PKD2L1: variants seen among roughly 807,000 people sequenced by gnomAD.
PKD2L1 encodes polycystin-2-like protein 1.
A neutral mutation model predicts 93.0 loss-of-function variants in PKD2L1; 77 were observed. That is an observed-to-expected ratio of 0.83 (90% CI 0.69 to 1.00). The LOEUF (loss-of-function observed/expected upper bound fraction) is 1.00, where lower values mean the gene tolerates loss of function less well. Ranked by LOEUF, PKD2L1 falls within the 50% of genes least tolerant of loss-of-function variation. The pLI, the probability that PKD2L1 is intolerant of heterozygous loss-of-function variation, is 0.00. For missense variants in PKD2L1, 977 were observed against 990.9 expected (o/e 0.99, Z 0.19); for synonymous variants, 390 against 388.0 (o/e 1.01, Z -0.06).
chr10:100,304,730 C>T (rs921308352), intron 2 of PKD2L1, among the ~76,000 whole-genome samples: 4 of 152,150 alleles, frequency 2.6e-5, no homozygotes, highest in African/African-American at 7.2e-5. Context: ...AGCTGACCTC[C>T]GCTGTTAGCC....
chr10:100,288,784 C>G (rs932354021), intron 15 of PKD2L1, among the ~76,000 whole-genome samples, 188 bp downstream of exon 15: 4 of 152,172 alleles, frequency 2.6e-5, no homozygotes, highest in African/African-American at 9.7e-5. Context: ...AACACTGATT[C>G]ACAAGCCTAA....
intron 9 of PKD2L1, among the ~76,000 whole-genome samples, chr10:100,293,966 G>A (rs931914461): frequency 1.3e-5 from 2 of 152,122 alleles, no homozygotes; most frequent in Non-Finnish European, 2.9e-5. Flanking sequence ...AATTAGCGGG[G>A]TGTGGTGGCT....
chr10:100,318,033 T>C (rs547498394), intron 2 of PKD2L1, among the ~76,000 whole-genome samples: 1 of 151,966 alleles, frequency 6.6e-6, no homozygotes, highest in African/African-American at 2.4e-5. Context: ...TGAGCCAAGA[T>C]TGCACCACTG....
chr10:100,325,982 G>A (rs1295825727), intron 2 of PKD2L1, among the ~76,000 whole-genome samples: 1 of 152,184 alleles, frequency 6.6e-6, no homozygotes, highest in East Asian at 1.9e-4. Flanking sequence ...GTCGACTTCA[G>A]AGCCTCACTG....
chr10:100,300,357 G>A (rs114543621), intron 2 of PKD2L1, among the ~76,000 whole-genome samples: 188 of 151,728 alleles, frequency 1.2e-3, no homozygotes, highest in African/African-American at 3.8e-3. Context: ...CAATCACCCT[G>A]TGATTCTCCC....
chr10:100,296,979 C>A lies in PKD2L1; in HGVS notation c.1185+1G>T. ...CCAAGTCCTAGATATCTGTCCCTCA[C>A]CAAGATGACCACCAGGTCCAGTATG... On this transcript the variant is annotated splice_donor_variant, in intron 6 of 15. Transcript: ENST00000318222. LOFTEE classifies it high-confidence loss of function. The A allele has an allele frequency of 6.2e-7, 1 of 1,605,136 alleles. No homozygotes were observed. The highest frequency in any genetic ancestry group is 1.1e-5 in the South Asian group (1 of 90,888).
intron 2 of PKD2L1, among the ~76,000 whole-genome samples, chr10:100,313,692 A>G (rs909022811): frequency 2.0e-5 from 3 of 152,166 alleles, no homozygotes; most frequent in Non-Finnish European, 4.4e-5. Flanking sequence ...AACAGTTTTC[A>G]TTTATTTGAG....
Position 100,288,472 on chromosome 10 carries a change from G to C in PKD2L1, c.2342C>G (p.Pro781Arg). The change falls in exon 16 of 16, where the codon CCC becomes CGC. Residue 781 changes from proline to arginine, a missense_variant. By Grantham distance (103) the Pro-to-Arg change is moderately radical. Transcript: ENST00000318222. ...TAAGGCTTCCTCTTCTCTTTTATAG[G>C]GAACCTCTGTGGGGGAAAACGAGAA... ...GVQGGQESEVPYKREEEALEE... is the reference protein window; with the variant it reads ...GVQGGQESEVRYKREEEALEE... 2.5e-6 allele frequency: 4 copies of C among 1,605,466 alleles called. No individual in the cohort carries two copies. The highest frequency in any genetic ancestry group is 3.4e-6 in the Non-Finnish European group (4 of 1,172,214).
chr10:100,329,085 G>T (rs951888968), intron 2 of PKD2L1, 126 bp downstream of exon 2: 2 of 784,822 alleles, frequency 2.5e-6, no homozygotes, highest in Non-Finnish European at 4.0e-6. Flanking sequence ...TAAAGTTCCC[G>T]GATATAGCCT....
At chr10:100,327,690 G>A (rs190522847) in intron 2 of PKD2L1, among the ~76,000 whole-genome samples, 4 of 152,296 alleles carry the variant, frequency 2.6e-5, no homozygotes, top group African/African-American at 7.2e-5. Flanking sequence ...AAAAATAATC[G>A]ATACGTCAAC....
At position 100,288,177 on chromosome 10, in the gene PKD2L1, C is replaced by T; in HGVS notation, c.*219G>A. ...TCCTAAGGAGTTTTATTGATAGCCA[C>T]CATGGAAACCCACATGGTCTTATGG... On this transcript the variant is annotated 3_prime_UTR_variant, in exon 16 of 16. Transcript: ENST00000318222. 1 of 492,776 alleles carries T rather than the reference C, an allele frequency of 2.0e-6. No individual in the cohort carries two copies. Among genetic ancestry groups the T allele is most frequent in the South Asian group, 3.2e-5 (1 of 30,868 alleles). The allele number at this position is 492,776 out of a possible 1,614,324, so 30.5% of individuals were successfully genotyped here. A position where few individuals can be genotyped will look rare whatever the true frequency, so the allele number is the denominator to read the frequency against.
chr10:100,325,233 T>G (rs903347395), intron 2 of PKD2L1, among the ~76,000 whole-genome samples: 3 of 152,214 alleles, frequency 2.0e-5, no homozygotes, highest in African/African-American at 7.2e-5. Flanking sequence ...TTTTTGCCCT[T>G]GGAGAAACTA....
intron 2 of PKD2L1, among the ~76,000 whole-genome samples, chr10:100,302,249 ACACG>A (rs1841344354): frequency 3.3e-5 from 2 of 60,946 alleles, no homozygotes; most frequent in Non-Finnish European, 7.1e-5. Flanking sequence ...ACACACACAC[ACACG>A]CATACACACA....
In PKD2L1 at chr10:100,294,552, C is replaced by T. The variant is rs202152796; in HGVS notation, c.1642G>A (p.Val548Ile). The change falls in exon 9 of 16, where the codon GTC becomes ATC. Residue 548 changes from valine (V) to isoleucine (I), a missense_variant. Physicochemically the swap from Val to Ile is conservative, Grantham distance 29. Coordinates refer to ENST00000318222, the MANE Select transcript of PKD2L1 (RefSeq NM_016112.3). ...PAYFVTYVFFVFFVLLNMFLA... is the reference protein window; with the variant it reads ...PAYFVTYVFFIFFVLLNMFLA... ...ACCCTCACCAGGAGCACGAAGAAGA[C>T]GAAGAAGACATAGGTGACAAAGTAG... is the stretch of plus-strand genomic sequence containing the variant. The T allele has an allele frequency of 3.0e-4, 487 of 1,613,938 alleles. 4 individuals carry two copies. In the East Asian group the frequency reaches 9.9e-3, roughly 33 times the overall value.
intron 9 of PKD2L1, among the ~76,000 whole-genome samples, 177 bp from the exon 10 acceptor site, chr10:100,293,556 A>G (rs1589660724): frequency 6.6e-6 from 1 of 152,146 alleles, no homozygotes; most frequent in East Asian, 1.9e-4. Context: ...CTTTCAGCAC[A>G]GTTCTGTTAG....
chr10:100,300,393 A>AT (rs1564884923), intron 2 of PKD2L1, among the ~76,000 whole-genome samples: 1 of 98,258 alleles, frequency 1.0e-5, no homozygotes, highest in Non-Finnish European at 2.0e-5. Flanking sequence ...TGCAAGTTAA[A>AT]TTAAAAAAAA....
At chr10:100,297,874 G>A (rs1040457057) in intron 4 of PKD2L1, among the ~76,000 whole-genome samples, 1 of 152,028 alleles carries the variant, frequency 6.6e-6, no homozygotes, top group Non-Finnish European at 1.5e-5. Context: ...AGAGGTTACC[G>A]AGATAATCCA....
At chr10:100,321,628 G>A (rs376171637) in intron 2 of PKD2L1, among the ~76,000 whole-genome samples, 4 of 137,322 alleles carry the variant, frequency 2.9e-5, no homozygotes, top group South Asian at 2.3e-4. Flanking sequence ...AGCTGAAATC[G>A]TGCCACTGCA....
chr10:100,329,164 T>C (rs762259592), intron 2 of PKD2L1, 47 bp downstream of exon 2: 38 of 1,587,232 alleles, frequency 2.4e-5, no homozygotes, highest in South Asian at 1.7e-4. Context: ...AGTGCACACA[T>C]AGATGTTTCT....
Sources: gnomAD v4.1 joint callset for allele counts (sites outside exome capture counted in the v4.1 genomes callset) on GRCh38, gnomAD v4.1.1 for gene constraint, MANE v1.5 for transcripts, NCBI Gene and HGNC (gene_info 2026-07-23, HGNC 2026-07-21) for gene names.